C1QTNF7: variants seen among roughly 807,000 people sequenced by gnomAD.
The protein encoded by C1QTNF7 is complement C1q tumor necrosis factor-related protein 7.
C1QTNF7 carries 15 observed loss-of-function variants against 19.6 expected under a neutral mutation model. The observed-to-expected ratio is 0.76, with a 90% CI of 0.51 to 1.18. The LOEUF is 1.18. Among genes scored for constraint, C1QTNF7 ranks in the 50% most tolerant of loss-of-function variants. The pLI, the probability that C1QTNF7 is intolerant of heterozygous loss-of-function variation, is 0.00. For missense variants in C1QTNF7, 324 were observed against 359.7 expected (o/e 0.90, Z 0.80); for synonymous variants, 142 against 137.5 (o/e 1.03, Z -0.23).
At chr4:15,373,591 TA>T (rs1204354429) in intron 1 of C1QTNF7, among the ~76,000 whole-genome samples, 1 of 152,224 alleles carries the variant, frequency 6.6e-6, no homozygotes, top group East Asian at 1.9e-4. Context: ...TTGGAACGTT[TA>T]AATGACTCCA....
intron 1 of C1QTNF7, among the ~76,000 whole-genome samples, chr4:15,344,406 C>T (rs372403033): frequency 1.3e-5 from 2 of 152,164 alleles, no homozygotes; most frequent in African/African-American, 4.8e-5. Context: ...TGGTTGCTCA[C>T]ACAGCTGTTA....
rs886345251 is a variant in C1QTNF7, at chr4:15,444,461, C to A, written c.*1662C>A. The A allele has an allele frequency of 1.3e-5, 2 of 152,022 alleles. No homozygotes were observed. The highest frequency in any genetic ancestry group is 2.9e-5 in the Non-Finnish European group (2 of 68,062). 9.4% of individuals were successfully genotyped at this position (152,022 alleles called of 1,614,324 possible). On this transcript the variant is annotated 3_prime_UTR_variant, in exon 3 of 3. Transcript: ENST00000444304. ...GGTGCTCCCCACTTCCCAGATGGTG[C>A]GGCGGCTGGCCAGAGGCACTCTTCA...
chr4:15,406,127 C>T (rs976571365), intron 1 of C1QTNF7, among the ~76,000 whole-genome samples: 4 of 152,206 alleles, frequency 2.6e-5, no homozygotes, highest in Non-Finnish European at 5.9e-5. Context: ...TTGGAATAAT[C>T]ACTGCATTTG....
intron 1 of C1QTNF7, among the ~76,000 whole-genome samples, chr4:15,401,769 A>T (rs940608676): frequency 2.6e-5 from 4 of 152,242 alleles, no homozygotes; most frequent in African/African-American, 9.6e-5. Context: ...TCAATGAAAT[A>T]AAACAATTAT....
intron 1 of C1QTNF7, among the ~76,000 whole-genome samples, chr4:15,352,021 T>C (rs1047032173): frequency 6.6e-6 from 1 of 152,114 alleles, no homozygotes; most frequent in African/African-American, 2.4e-5. Context: ...CAAAAGTGCA[T>C]CTACTGTAAC....
intron 1 of C1QTNF7, among the ~76,000 whole-genome samples, chr4:15,413,231 A>T (rs1417452728): frequency 6.6e-6 from 1 of 152,142 alleles, no homozygotes. Flanking sequence ...TGCTTCTACC[A>T]CCTATTTCCG....
At chr4:15,430,723 C>T (rs561792926) in intron 1 of C1QTNF7, among the ~76,000 whole-genome samples, 1 of 152,196 alleles carries the variant, frequency 6.6e-6, no homozygotes, top group East Asian at 1.9e-4. Flanking sequence ...CACTGCAAGG[C>T]AGTGGGGGAG....
rs983853481 is a variant in C1QTNF7, at chr4:15,444,252, T to A, written c.*1453T>A. 24 of 152,182 alleles carry A rather than the reference T, an allele frequency of 1.6e-4. No homozygotes were observed. The highest frequency in any genetic ancestry group is 5.8e-4 in the African/African-American group (24 of 41,434). 9.4% of individuals were successfully genotyped at this position (152,182 alleles called of 1,614,324 possible). On this transcript the variant is annotated 3_prime_UTR_variant, in exon 3 of 3. Transcript: ENST00000444304. ...TAGATTCTGTGAAGACAGAAGAGTA[T>A]CAAGATTAATATATTAATAGTATAG... is the stretch of plus-strand genomic sequence containing the variant.
intron 1 of C1QTNF7, chr4:15,374,557 G>A: frequency 2.0e-6 from 2 of 985,352 alleles, no homozygotes; most frequent in Non-Finnish European, 1.2e-6. Flanking sequence ...GTCATTGCAC[G>A]CCGGGGTCCT....
At chr4:15,433,176 T>A (rs1712401309) in intron 1 of C1QTNF7, among the ~76,000 whole-genome samples, 1 of 152,174 alleles carries the variant, frequency 6.6e-6, no homozygotes, top group Non-Finnish European at 1.5e-5. Flanking sequence ...TATGACTATC[T>A]TCTATGAACC....
chr4:15,423,907 G>A (rs10003299), upstream of C1QTNF7, among the ~76,000 whole-genome samples: 4,103 of 152,246 alleles, frequency 0.027, 197 homozygotes, highest in African/African-American at 0.093. Flanking sequence ...CAACTGGGTT[G>A]TCCGGCTAAA....
At chr4:15,418,402 G>A (rs139107834) in intron 1 of C1QTNF7, among the ~76,000 whole-genome samples, 58 of 152,150 alleles carry the variant, frequency 3.8e-4, no homozygotes, top group African/African-American at 1.3e-3. Flanking sequence ...TTTCTTACAG[G>A]CCATTTTGTC....
chr4:15,396,407 G>T (rs1439027784), intron 1 of C1QTNF7, among the ~76,000 whole-genome samples: 1 of 152,042 alleles, frequency 6.6e-6, no homozygotes, highest in Non-Finnish European at 1.5e-5. Context: ...CCATCTGGAG[G>T]TCAGGCGAAG....
chr4:15,369,137 G>A (rs6815159), intron 1 of C1QTNF7, among the ~76,000 whole-genome samples: 71,567 of 151,970 alleles, frequency 0.47, 18,108 homozygotes, highest in African/African-American at 0.65. Flanking sequence ...GATTTTGATC[G>A]CTTGTGGTTA....
intron 1 of C1QTNF7, among the ~76,000 whole-genome samples, chr4:15,372,258 C>A (rs1036681136): frequency 6.6e-6 from 1 of 152,106 alleles, no homozygotes; most frequent in African/African-American, 2.4e-5. Context: ...GCGTTCATAG[C>A]TAATCCAACT....
chr4:15,389,052 G>A (rs534905932), intron 1 of C1QTNF7, among the ~76,000 whole-genome samples: 3 of 152,226 alleles, frequency 2.0e-5, no homozygotes, highest in Non-Finnish European at 4.4e-5. Flanking sequence ...GGAGAGCAAA[G>A]CTTCAGTCAG....
At chr4:15,391,998 C>T (rs1253558049) in intron 1 of C1QTNF7, among the ~76,000 whole-genome samples, 1 of 152,142 alleles carries the variant, frequency 6.6e-6, no homozygotes, top group Non-Finnish European at 1.5e-5. Context: ...TTCCTGAGTG[C>T]CCAGGTCCTC....
At chr4:15,369,780 C>T (rs6817864) in intron 1 of C1QTNF7, among the ~76,000 whole-genome samples, 71,612 of 151,978 alleles carry the variant, frequency 0.47, 18,125 homozygotes, top group African/African-American at 0.65. Flanking sequence ...AGTGATATTT[C>T]AGTTGAATAC....
At chr4:15,355,069 G>A (rs1717085690) in intron 1 of C1QTNF7, among the ~76,000 whole-genome samples, 1 of 152,146 alleles carries the variant, frequency 6.6e-6, no homozygotes, top group Admixed American at 6.5e-5. Flanking sequence ...TTCAACCTGA[G>A]TGCACTCATT....
Sources: allele counts gnomAD v4.1 joint callset (sites outside exome capture counted in the v4.1 genomes callset), GRCh38; gene constraint gnomAD v4.1.1; transcripts MANE v1.5; gene names NCBI Gene and HGNC (gene_info 2026-07-23, HGNC 2026-07-21).